The following GPC3 variants were observed in gnomAD, a reference collection of about 807,000 sequenced individuals.
The protein encoded by GPC3 is glypican 3, also known as glypican-3.
In GPC3, 3 loss-of-function variants were observed where a neutral mutation model predicts 34.4. The observed-to-expected ratio is 0.09, with a 90% CI of 0.04 to 0.23. The LOEUF (loss-of-function observed/expected upper bound fraction) is 0.23, where lower values mean the gene tolerates loss of function less well. Among genes scored for constraint, GPC3 ranks in the 10% least tolerant of loss-of-function variants. The probability of loss-of-function intolerance (pLI) is 1.00; values close to 1 mark genes in which losing one functional copy is unlikely to be tolerated. For synonymous variants in GPC3, 177 were observed against 174.0 expected (o/e 1.02, Z -0.13); for missense variants, 351 against 445.6 (o/e 0.79, Z 1.91).
chrX:133,584,248 T>G (rs771418159), intron 7 of GPC3, among the ~76,000 whole-genome samples: 2 of 112,112 alleles, frequency 1.8e-5, no homozygotes, highest in Admixed American at 1.9e-4. Flanking sequence ...ATTTACTAAA[T>G]ACGTACTGAG....
chrX:133,929,111 AT>A (rs1479096767), intron 2 of GPC3, among the ~76,000 whole-genome samples: 3 of 111,824 alleles, frequency 2.7e-5, no homozygotes, highest in South Asian at 3.7e-4. Flanking sequence ...TTTTAAGTTG[AT>A]TTTTATGTAC....
intron 7 of GPC3, among the ~76,000 whole-genome samples, chrX:133,586,327 T>C (rs1452936143): frequency 9.0e-6 from 1 of 111,687 alleles, no homozygotes; most frequent in Non-Finnish European, 1.9e-5. Context: ...CCTGGGAGCT[T>C]CGCAAAGCTC....
chrX:133,540,843 T>C (rs1410478037), intron 7 of GPC3, among the ~76,000 whole-genome samples: 1 of 109,895 alleles, frequency 9.1e-6, no homozygotes. Flanking sequence ...GCTCAGAGAA[T>C]GTCTATGAGG....
intron 5 of GPC3, among the ~76,000 whole-genome samples, chrX:133,666,695 C>T (rs2070771309): frequency 8.9e-6 from 1 of 112,146 alleles, no homozygotes; most frequent in Admixed American, 9.5e-5. Flanking sequence ...GAATGAAATA[C>T]TATGAGCACA....
At chrX:133,584,205 T>C (rs1168033028) in intron 7 of GPC3, among the ~76,000 whole-genome samples, 2 of 112,227 alleles carry the variant, frequency 1.8e-5, no homozygotes, top group Non-Finnish European at 3.8e-5. Flanking sequence ...GAAGCAAATG[T>C]GAAAAGTAAA....
chrX:133,590,959 A>G (rs762163678), intron 7 of GPC3, among the ~76,000 whole-genome samples: 14 of 111,896 alleles, frequency 1.3e-4, no homozygotes, highest in Non-Finnish European at 2.4e-4. Context: ...TATTTCACAA[A>G]TGGAGAAACT....
intron 2 of GPC3, among the ~76,000 whole-genome samples, chrX:133,843,868 T>A (rs753543514): frequency 3.6e-5 from 4 of 112,530 alleles, no homozygotes; most frequent in Non-Finnish European, 7.5e-5. Flanking sequence ...TCATTTTTAA[T>A]ACATTTCATT....
intron 3 of GPC3, among the ~76,000 whole-genome samples, chrX:133,746,741 ACTT>A (rs1443154836): frequency 8.9e-6 from 1 of 112,272 alleles, no homozygotes; most frequent in Non-Finnish European, 1.9e-5. Flanking sequence ...TGAGCCATTT[ACTT>A]CTTTTTATCA....
intron 2 of GPC3, among the ~76,000 whole-genome samples, chrX:133,863,666 T>TTTTTTTTTTTTTTTTTTAG: frequency 1.1e-5 from 1 of 92,097 alleles, no homozygotes; most frequent in East Asian, 3.4e-4. Flanking sequence ...TTTTTTTTTT[T>TTTTTTTTTTTTTTTTTTAG]GAGACGGAGT....
In GPC3 at chrX:133,536,175, A is replaced by T; in HGVS notation, c.1692T>A (p.Leu564=). ...NLGNVHSPLK[L]LTSMAISVVC... is the part of the protein sequence containing the mutation. ...CCACCGAGATGGCCATGCTGGTGAGAAGCTTCAGCGGGGAATGAACGTTCC... is the reference window on the plus strand; with the variant it reads ...CCACCGAGATGGCCATGCTGGTGAGTAGCTTCAGCGGGGAATGAACGTTCC... Residue 564 remains leucine (L), a synonymous_variant, in exon 8 of 8, where the codon CTT becomes CTA. Transcript: ENST00000370818. The T allele has an allele frequency of 8.3e-7, 1 of 1,206,603 alleles. No homozygotes were observed. Among genetic ancestry groups the T allele is most frequent in the South Asian group, 1.8e-5 (1 of 56,761 alleles).
At chrX:133,748,920 G>C (rs749556093) in intron 3 of GPC3, among the ~76,000 whole-genome samples, 1 of 111,615 alleles carries the variant, frequency 9.0e-6, no homozygotes, top group Non-Finnish European at 1.9e-5. Context: ...GAGGTGGCTG[G>C]ATTTGCTCCC....
At chrX:133,979,332 A>T (rs1272855641) in intron 1 of GPC3, among the ~76,000 whole-genome samples, 1 of 112,266 alleles carries the variant, frequency 8.9e-6, no homozygotes, top group Non-Finnish European at 1.9e-5. Context: ...CATGAGGAAA[A>T]ATACAAACTC....
At chrX:133,824,624 A>G (rs1342671165) in intron 2 of GPC3, among the ~76,000 whole-genome samples, 1 of 111,907 alleles carries the variant, frequency 8.9e-6, no homozygotes, top group Non-Finnish European at 1.9e-5. Flanking sequence ...TGGTAAATAC[A>G]TGAGGTGATG....
At chrX:133,609,587 A>G (rs2070087522) in intron 6 of GPC3, among the ~76,000 whole-genome samples, 1 of 112,537 alleles carries the variant, frequency 8.9e-6, no homozygotes, top group Non-Finnish European at 1.9e-5. Flanking sequence ...TTGGCATCCC[A>G]TATTAGGTTA....
chrX:133,741,281 CAAAA>C (rs151157758), intron 3 of GPC3, among the ~76,000 whole-genome samples: 2 of 49,577 alleles, frequency 4.0e-5, no homozygotes, highest in Admixed American at 4.7e-4. Context: ...TTGTTTAAGC[CAAAA>C]AAAAAAAAAA....
chrX:133,640,069 T>C (rs754008863), intron 6 of GPC3, among the ~76,000 whole-genome samples: 1 of 111,595 alleles, frequency 9.0e-6, no homozygotes, highest in East Asian at 2.8e-4. Context: ...TAAAAAATAT[T>C]TGGGGAAGGC....
intron 6 of GPC3, among the ~76,000 whole-genome samples, chrX:133,653,361 A>G (rs1043375736): frequency 2.7e-5 from 3 of 111,933 alleles, no homozygotes; most frequent in African/African-American, 9.8e-5. Context: ...GCCCTAAACA[A>G]CTGAGCTATC....
chrX:133,832,850 T>C (rs886426825), intron 2 of GPC3, among the ~76,000 whole-genome samples: 2 of 112,319 alleles, frequency 1.8e-5, no homozygotes, highest in African/African-American at 6.5e-5. Context: ...TTATGCGGCC[T>C]TGATTTGTGT....
At chrX:133,937,266 C>T (rs927759823) in intron 2 of GPC3, among the ~76,000 whole-genome samples, 2 of 111,224 alleles carry the variant, frequency 1.8e-5, no homozygotes, top group Non-Finnish European at 1.9e-5. Context: ...ACCTGACACA[C>T]GCAGCACATG....
Sources: gnomAD v4.1 joint callset for allele counts (sites outside exome capture counted in the v4.1 genomes callset) on GRCh38, gnomAD v4.1.1 for gene constraint, MANE v1.5 for transcripts, NCBI Gene and HGNC (gene_info 2026-07-23, HGNC 2026-07-21) for gene names.